PLA2G7: variants seen among roughly 807,000 people sequenced by gnomAD.
The protein encoded by PLA2G7 is phospholipase A2 group VII, also known as platelet-activating factor acetylhydrolase.
In PLA2G7, 63 loss-of-function variants were observed where a neutral mutation model predicts 49.6. The observed-to-expected ratio is 1.27, with a 90% CI of 1.04 to 1.57. The LOEUF is 1.57. Ranked by LOEUF, PLA2G7 falls within the 40% of genes most tolerant of loss-of-function variation. The pLI is 0.00. For missense variants in PLA2G7, 596 were observed against 521.2 expected (o/e 1.14, Z -1.40); for synonymous variants, 193 against 169.9 (o/e 1.14, Z -1.06).
chr6:46,712,284 G>A lies in PLA2G7; in HGVS notation c.524C>T (p.Ala175Val). Residue 175 changes from alanine to valine, a missense_variant, in exon 6 of 12, where the codon GCT (alanine) becomes GTT (valine). By Grantham distance (64) the Ala-to-Val change is moderately conservative. Transcript: ENST00000274793. The stretch of plus-strand genomic sequence containing the variant: ...GGTAACATACCTGTGTTCTACAGCA[G>A]CAACTATAAACCCATGAGATGCCAG... ...IDLASHGFIV[A>V]AVEHRDRSAS... 2 of 1,611,244 alleles carry A rather than the reference G, an allele frequency of 1.2e-6. No homozygotes were observed. Among genetic ancestry groups the A allele is most frequent in the Non-Finnish European group, 1.7e-6 (2 of 1,177,560 alleles).
chr6:46,713,502 T>C (rs45503492), intron 5 of PLA2G7, among the ~76,000 whole-genome samples: 124 of 152,296 alleles, frequency 8.1e-4, no homozygotes, highest in African/African-American at 3.0e-3. Flanking sequence ...TGGGCTGGAT[T>C]TGGCCCTTGG....
At chr6:46,718,031 T>G (rs1186524384) in intron 2 of PLA2G7, among the ~76,000 whole-genome samples, 1 of 152,202 alleles carries the variant, frequency 6.6e-6, no homozygotes, top group Non-Finnish European at 1.5e-5. Flanking sequence ...CCTCTATTGC[T>G]AACATTAGTT....
rs371851212 is a variant in PLA2G7, at chr6:46,709,366, G to A, written c.830C>T (p.Ala277Val). 38 of 1,607,630 alleles carry A rather than the reference G, an allele frequency of 2.4e-5. No individual in the cohort carries two copies. The East Asian group carries it at 7.8e-4, about 33-fold the overall frequency. The change falls in exon 9 of 12, where the codon GCA becomes GTA. Residue 277 changes from alanine to valine, a missense_variant. Coordinates refer to ENST00000274793, the MANE Select transcript of PLA2G7 (RefSeq NM_005084.4). ...IAVIGHSFGG[A>V]TVIQTLSEDQ... is the part of the protein sequence containing the mutation. ...TTCACTAAGAGTCTGAATAACCGTT[G>A]CTCCACCAAAAGAATGTCCAATTAC...
At chr6:46,718,814 A>G (rs1765300148) in intron 2 of PLA2G7, among the ~76,000 whole-genome samples, 1 of 152,192 alleles carries the variant, frequency 6.6e-6, no homozygotes, top group Non-Finnish European at 1.5e-5. Flanking sequence ...TGCATGCTAC[A>G]CTAGGCTCTT....
At chr6:46,712,181 T>A in intron 6 of PLA2G7, 88 bp downstream of exon 6, 1 of 888,736 alleles carries the variant, frequency 1.1e-6, no homozygotes, top group Non-Finnish European at 1.9e-6. Flanking sequence ...ACATTTTAAA[T>A]AAACTTTTAT....
intron 2 of PLA2G7, 107 bp from the exon 3 acceptor site, chr6:46,717,203 T>C: frequency 2.0e-6 from 2 of 1,001,958 alleles, no homozygotes; most frequent in Non-Finnish European, 3.2e-6. Flanking sequence ...TTTCTGGCCT[T>C]CTTTCTTTCT....
chr6:46,716,763 A>G (rs1176478503), intron 3 of PLA2G7, among the ~76,000 whole-genome samples: 1 of 152,256 alleles, frequency 6.6e-6, no homozygotes, highest in Non-Finnish European at 1.5e-5. Context: ...GTATTAAGGA[A>G]GTGAAAAATA....
At chr6:46,716,326 G>T (rs1765197405) in intron 4 of PLA2G7, 58 bp downstream of exon 4, 2 of 1,571,216 alleles carry the variant, frequency 1.3e-6, no homozygotes, top group Middle Eastern at 1.7e-4. Flanking sequence ...AGTTCTTGTT[G>T]TTTTCAAGGT....
upstream of PLA2G7, chr6:46,735,704 G>C (rs1308430680): frequency 6.6e-6 from 1 of 152,456 alleles, no homozygotes; most frequent in Non-Finnish European, 1.5e-5. Context: ...TTGTTTCACC[G>C]TGTTCTCTGA....
intron 5 of PLA2G7, among the ~76,000 whole-genome samples, chr6:46,712,875 GTTACAAGAAT>G (rs1765075044): frequency 6.6e-6 from 1 of 152,222 alleles, no homozygotes; most frequent in Non-Finnish European, 1.5e-5. Context: ...CAGTATTGTA[GTTACAAGAAT>G]GAGACCTGCA....
At chr6:46,724,299 T>G (rs1272569661) in intron 1 of PLA2G7, among the ~76,000 whole-genome samples, 2 of 152,220 alleles carry the variant, frequency 1.3e-5, no homozygotes, top group Non-Finnish European at 2.9e-5. Context: ...TGTAAGGATT[T>G]TTGATGGTTT....
intron 9 of PLA2G7, among the ~76,000 whole-genome samples, chr6:46,708,736 T>C (rs554723181): frequency 2.9e-4 from 44 of 152,306 alleles, no homozygotes; most frequent in African/African-American, 9.6e-4. Context: ...AAGAGAATTC[T>C]TACACTGAAA....
At chr6:46,729,873 C>T (rs1412656259) in intron 1 of PLA2G7, among the ~76,000 whole-genome samples, 2 of 152,220 alleles carry the variant, frequency 1.3e-5, no homozygotes, top group Middle Eastern at 3.2e-3. Context: ...AAAACCATTG[C>T]TCTCAAGCTG....
chr6:46,730,397 T>C (rs1765701290), intron 1 of PLA2G7, among the ~76,000 whole-genome samples: 1 of 152,220 alleles, frequency 6.6e-6, no homozygotes, highest in South Asian at 2.1e-4. Flanking sequence ...GCAGGGATAC[T>C]GGAATATAGA....
intron 4 of PLA2G7, 114 bp downstream of exon 4, chr6:46,716,270 A>G: frequency 1.0e-6 from 1 of 972,358 alleles, no homozygotes; most frequent in Non-Finnish European, 1.6e-6. Flanking sequence ...TCATTTTAGG[A>G]GCTATTTGGA....
rs1765135130 is a variant in PLA2G7, at chr6:46,714,498, A to C, written c.432T>G (p.Tyr144Ter). The C allele has an allele frequency of 1.2e-6, 2 of 1,612,898 alleles. No individual in the cohort carries two copies. The highest frequency in any genetic ancestry group is 4.5e-5 in the East Asian group (2 of 44,858). Reference protein sequence around the residue: ...WNSPLRPGEKYPLVVFSHGLG... With the variant: ...WNSPLRPGEK ...GACCATGAGAAAAAACAACAAGTGG[A>C]TATTTTTCACCAGGCCTCAGAGGGG... Residue 144 changes from tyrosine to a stop codon, truncating the protein, a stop_gained, in exon 5 of 12, where the codon TAT (tyrosine) becomes TAG (stop). Coordinates refer to ENST00000274793, the MANE Select transcript of PLA2G7 (RefSeq NM_005084.4). LOFTEE classifies it high-confidence loss of function.
rs200303358 is a variant in PLA2G7 at position 46,709,348 on chromosome 6, A to G, written c.848T>C (p.Leu283Pro). The change falls in exon 9 of 12, where the codon CTT (leucine) becomes CCT (proline). Residue 283 changes from leucine to proline, a missense_variant. Leu to Pro is a moderately conservative substitution (Grantham distance 98). Transcript: ENST00000274793. Reference protein sequence around the residue: ...SFGGATVIQTLSEDQRFRCGI... With the variant: ...SFGGATVIQTPSEDQRFRCGI... ...TTACCTGAATCTCTGATCTTCACTA[A>G]GAGTCTGAATAACCGTTGCTCCACC... 1.9e-4 allele frequency: 306 copies of G among 1,599,184 alleles called. 1 individual carries two copies. The highest frequency in any genetic ancestry group is 2.6e-4 in the Non-Finnish European group (299 of 1,166,882).
At position 46,712,333 on chromosome 6, in the gene PLA2G7, G is replaced by A; in HGVS notation, c.475C>T (p.Leu159Phe). Residue 159 changes from leucine to phenylalanine, a missense_variant, in exon 6 of 12, where the codon CTT becomes TTT. Coordinates refer to ENST00000274793, the MANE Select transcript of PLA2G7 (RefSeq NM_005084.4). Reference sequence around the variant, plus strand: ...AGGTCAATGCCAATAGCAGAATAAAGTGTCCTTCAAAACAAAAAGAGGGAA... The same window carrying A: ...AGGTCAATGCCAATAGCAGAATAAAATGTCCTTCAAAACAAAAAGAGGGAA... ...FSHGLGAFRT[L>F]YSAIGIDLAS... 1 of 1,610,318 alleles carries A rather than the reference G, an allele frequency of 6.2e-7. No individual in the cohort carries two copies. Among genetic ancestry groups the A allele is most frequent in the East Asian group, 2.2e-5 (1 of 44,822 alleles).
intron 9 of PLA2G7, among the ~76,000 whole-genome samples, chr6:46,708,777 C>A (rs1290770040): frequency 6.6e-6 from 1 of 152,114 alleles, no homozygotes; most frequent in Non-Finnish European, 1.5e-5. Context: ...GGTGAAGTTT[C>A]AAAAATGATC....
Sources: allele counts gnomAD v4.1 joint callset (sites outside exome capture counted in the v4.1 genomes callset), GRCh38; gene constraint gnomAD v4.1.1; transcripts MANE v1.5; gene names NCBI Gene and HGNC (gene_info 2026-07-23, HGNC 2026-07-21).